Variants in MYO16 observed in about 807,000 individuals in gnomAD.
MYO16 encodes myosin XVI, also known as unconventional myosin-XVI.
MYO16 carries 94 observed loss-of-function variants against 205.3 expected under a neutral mutation model. That is an observed-to-expected ratio of 0.46 (90% CI 0.39 to 0.54). MYO16 has a LOEUF of 0.54. MYO16 is among the 20% of genes least tolerant of loss of function. MYO16 has a pLI of 0.00. For synonymous variants in MYO16, 988 were observed against 954.0 expected (o/e 1.04, Z -0.66); for missense variants, 2,315 against 2,387.5 (o/e 0.97, Z 0.63).
At chr13:108,680,844 CA>C (rs1882432257) in intron 2 of MYO16, among the ~76,000 whole-genome samples, 1 of 152,104 alleles carries the variant, frequency 6.6e-6, no homozygotes, top group East Asian at 1.9e-4. Context: ...CATGCATGAA[CA>C]ATGGTGTTGT....
chr13:108,653,392 G>A (rs1004699168), intron 1 of MYO16, among the ~76,000 whole-genome samples: 2 of 152,062 alleles, frequency 1.3e-5, no homozygotes, highest in Admixed American at 6.5e-5. Context: ...TAAGTTTGAT[G>A]TAGTCTCATT....
intron 15 of MYO16, among the ~76,000 whole-genome samples, chr13:108,906,969 G>C (rs1274397558): frequency 6.6e-6 from 1 of 152,170 alleles, no homozygotes. Context: ...ATGCATAGTT[G>C]TGAAAGAGAA....
At position 109,140,232 on chromosome 13, in the gene MYO16, G is replaced by A. The variant is rs1411407430; in HGVS notation, c.4052-32G>A. 1 of 1,594,956 alleles carries A rather than the reference G, an allele frequency of 6.3e-7. No homozygotes were observed. The highest frequency in any genetic ancestry group is 1.7e-5 in the Admixed American group (1 of 59,670). On this transcript the variant is annotated intron_variant, in intron 31 of 34. Coordinates refer to ENST00000457511, the MANE Select transcript of MYO16 (RefSeq NM_001198950.3). The surrounding 1 kb of genome is among the most constrained non-coding windows in gnomAD (Gnocchi z 8.0). ...GGTGGGCACCCGTGGGCCTGGCCTG[G>A]CACCCACTGACCGCGTCCTTTCCTG... is the stretch of plus-strand genomic sequence containing the variant.
At chr13:108,567,210 A>G in the MYO16 span, among the ~76,000 whole-genome samples, 10 of 152,292 alleles carry the variant, frequency 6.6e-5, no homozygotes, top group African/African-American at 1.9e-4. Flanking sequence ...GTAAATAATC[A>G]GGATGATGGA....
intron 6 of MYO16, 101 bp from the exon 7 acceptor site, chr13:108,806,578 G>C (rs12428900): frequency 1.0e-6 from 1 of 968,160 alleles, no homozygotes; most frequent in South Asian, 2.1e-5. Flanking sequence ...CTGTATTTTA[G>C]ATCCACCATT....
intron 7 of MYO16, among the ~76,000 whole-genome samples, chr13:108,809,691 C>T (rs776902099): frequency 2.0e-5 from 3 of 152,216 alleles, no homozygotes; most frequent in Non-Finnish European, 2.9e-5. Flanking sequence ...AACCAGGCCA[C>T]GCTTCCAACA....
chr13:108,897,945 C>T lies in MYO16; in HGVS notation c.1660-71C>T, dbSNP rs181633331. The stretch of plus-strand genomic sequence containing the variant: ...GACCAAGAAGTATTATTCACTGCAT[C>T]GTCGCTATTACTCATCAATTTTATT... On this transcript the variant is annotated intron_variant, in intron 14 of 34. Coordinates refer to ENST00000457511, the MANE Select transcript of MYO16 (RefSeq NM_001198950.3). 6.8e-4 allele frequency: 791 copies of T among 1,165,360 alleles called. 2 individuals are homozygous for T. In the African/African-American group the frequency reaches 7.0e-3, roughly 10 times the overall value. The allele number at this position is 1,165,360 out of a possible 1,614,324, so 72.2% of individuals were successfully genotyped here. A position where few individuals can be genotyped will look rare whatever the true frequency, so the allele number is the denominator to read the frequency against.
intron 4 of MYO16, among the ~76,000 whole-genome samples, chr13:108,749,014 T>A (rs4771600): frequency 0.23 from 35,329 of 151,930 alleles, 5,226 homozygotes; most frequent in East Asian, 0.55. Context: ...CTGATAATAC[T>A]CTTTTTTCAG....
chr13:109,165,376 A>T (rs1374976009), intron 33 of MYO16, among the ~76,000 whole-genome samples: 2 of 152,232 alleles, frequency 1.3e-5, no homozygotes, highest in Non-Finnish European at 2.9e-5. Flanking sequence ...TTAAAAAATT[A>T]TTCTGGAAAC....
chr13:108,534,247 A>G, the MYO16 span, among the ~76,000 whole-genome samples: 4 of 152,312 alleles, frequency 2.6e-5, no homozygotes, highest in East Asian at 1.9e-4. Flanking sequence ...ATCTTTTAGG[A>G]TCATTCTTAG....
In MYO16 at chr13:109,203,595, CT is replaced by C. The variant is rs548761818; in HGVS notation, c.5416-3011del. Among the ~76,000 whole-genome samples the C allele has an allele frequency of 2.4e-3, 370 of 152,288 alleles. 2 individuals are homozygous for C. Among genetic ancestry groups the C allele is most frequent in the African/African-American group, 8.5e-3 (355 of 41,558 alleles). On this transcript the variant is annotated intron_variant, in intron 34 of 34. Coordinates refer to ENST00000457511, the MANE Select transcript of MYO16 (RefSeq NM_001198950.3). ...ATCCTCAGGCTTGATCCGCCTTTGC[CT>C]TTCATTGCGAGGTCTTTGTTCCTCA... is the stretch of plus-strand genomic sequence containing the variant.
chr13:109,130,726 G>A (rs1467300329), intron 31 of MYO16, among the ~76,000 whole-genome samples: 2 of 152,192 alleles, frequency 1.3e-5, no homozygotes, highest in African/African-American at 4.8e-5. Context: ...AGCTGAAGGT[G>A]GTTGAGTTAG....
intron 19 of MYO16, among the ~76,000 whole-genome samples, chr13:108,963,678 C>T (rs943570792): frequency 1.1e-4 from 16 of 152,176 alleles, no homozygotes; most frequent in Non-Finnish European, 2.4e-4. Context: ...CTTAGGAGGC[C>T]CCACTGGCAC....
upstream of MYO16, among the ~76,000 whole-genome samples, chr13:108,594,876 C>A (rs1195478013): frequency 6.6e-6 from 1 of 152,158 alleles, no homozygotes; most frequent in East Asian, 1.9e-4. Context: ...TCTTCAGCAG[C>A]ACTCTTCTAA....
chr13:108,758,710 GT>G (rs1306700847), intron 4 of MYO16, among the ~76,000 whole-genome samples: 1 of 152,148 alleles, frequency 6.6e-6, no homozygotes, highest in Non-Finnish European at 1.5e-5. Context: ...TGAGTGGCAT[GT>G]TTGTTAATAG....
At chr13:108,664,382 T>C (rs1019166108) in intron 1 of MYO16, among the ~76,000 whole-genome samples, 2 of 152,210 alleles carry the variant, frequency 1.3e-5, no homozygotes, top group Non-Finnish European at 2.9e-5. Context: ...TAATTGCCTC[T>C]TTAACCTTAG....
intron 28 of MYO16, among the ~76,000 whole-genome samples, chr13:109,103,574 T>A (rs1889036050): frequency 6.6e-6 from 1 of 152,222 alleles, no homozygotes; most frequent in African/African-American, 2.4e-5. Flanking sequence ...CTGAAAATAG[T>A]AATTTCGTTG....
At chr13:109,138,974 T>C (rs566794367) in intron 31 of MYO16, among the ~76,000 whole-genome samples, 104 of 151,992 alleles carry the variant, frequency 6.8e-4, no homozygotes, top group African/African-American at 2.3e-3. Context: ...GCGTGCCACC[T>C]CGCCCAGCTA....
chr13:108,502,821 T>C, the MYO16 span, among the ~76,000 whole-genome samples: 211 of 152,318 alleles, frequency 1.4e-3, 1 homozygote, highest in African/African-American at 5.0e-3. Context: ...TTTTGAAAAG[T>C]CTATTAATAT....
Sources: allele counts gnomAD v4.1 joint callset (sites outside exome capture counted in the v4.1 genomes callset), GRCh38; gene constraint gnomAD v4.1.1; non-coding constraint Gnocchi (gnomAD v3.1); transcripts MANE v1.5; gene names NCBI Gene and HGNC (gene_info 2026-07-23, HGNC 2026-07-21).